Variants in ST18 observed in about 807,000 individuals in gnomAD.
ST18 encodes suppression of tumorigenicity 18 protein.
ST18 carries 50 observed loss-of-function variants against 110.0 expected under a neutral mutation model. The observed-to-expected ratio is 0.45, with a 90% CI of 0.36 to 0.58. The LOEUF is 0.58. ST18 is among the 20% of genes least tolerant of loss of function. ST18 has a pLI of 0.00. For missense variants in ST18, 1,306 were observed against 1,280.1 expected (o/e 1.02, Z -0.31); for synonymous variants, 461 against 452.4 (o/e 1.02, Z -0.24).
At chr8:52,225,510 G>A (rs1393144776) in intron 3 of ST18, among the ~76,000 whole-genome samples, 1 of 152,184 alleles carries the variant, frequency 6.6e-6, no homozygotes, top group Admixed American at 6.5e-5. Flanking sequence ...CCAGCTGATG[G>A]GGCAGATTTG....
At chr8:52,318,935 G>A (rs1314226170) in intron 2 of ST18, among the ~76,000 whole-genome samples, 1 of 151,550 alleles carries the variant, frequency 6.6e-6, no homozygotes, top group Non-Finnish European at 1.5e-5. Context: ...GAGGTTGGGG[G>A]GTGGGAAGAG....
chr8:52,198,700 T>C (rs1250913632), intron 8 of ST18, among the ~76,000 whole-genome samples: 1 of 152,204 alleles, frequency 6.6e-6, no homozygotes, highest in Non-Finnish European at 1.5e-5. Context: ...TGTATATGTA[T>C]ATATATGTAC....
chr8:52,355,635 GATAGGTGTGGTA>G (rs1283170898), intron 2 of ST18, among the ~76,000 whole-genome samples: 1 of 152,200 alleles, frequency 6.6e-6, no homozygotes, highest in East Asian at 1.9e-4. Flanking sequence ...GACAATGAGT[GATAGGTGTGGTA>G]ATAAAAGAAG....
At chr8:52,383,682 C>G (rs750500226) in intron 2 of ST18, among the ~76,000 whole-genome samples, 6 of 152,046 alleles carry the variant, frequency 3.9e-5, no homozygotes, top group Non-Finnish European at 8.8e-5. Context: ...CTCCTGACCT[C>G]GTGATCCACC....
At chr8:52,359,099 A>T (rs534058748) in intron 2 of ST18, among the ~76,000 whole-genome samples, 7 of 149,518 alleles carry the variant, frequency 4.7e-5, no homozygotes, top group African/African-American at 1.8e-4. Context: ...AACTACATTG[A>T]CATGGCATTA....
chr8:52,177,138 G>T (rs1212737627), intron 9 of ST18, among the ~76,000 whole-genome samples: 1 of 152,130 alleles, frequency 6.6e-6, no homozygotes, highest in Admixed American at 6.5e-5. Context: ...CATTCTCCCT[G>T]CCTGTGTCAG....
chr8:52,204,276 G>T (rs528563776), intron 8 of ST18, among the ~76,000 whole-genome samples: 2 of 152,306 alleles, frequency 1.3e-5, no homozygotes, highest in Admixed American at 6.5e-5. Flanking sequence ...TGACTTTTCA[G>T]CCAACCTTCT....
intron 16 of ST18, among the ~76,000 whole-genome samples, chr8:52,146,303 G>A (rs1173620708): frequency 2.0e-5 from 3 of 152,098 alleles, no homozygotes; most frequent in Non-Finnish European, 4.4e-5. Flanking sequence ...CTCCAGTCCT[G>A]TACCCGCAGA....
rs1225270455 is a variant in ST18 at position 52,121,248 on chromosome 8, G to A, written c.2756-2807C>T. 2.6e-5 allele frequency among the ~76,000 whole-genome samples: 4 copies of A among 152,190 alleles called. No homozygotes were observed. The East Asian group carries it at 7.7e-4, about 29-fold the overall frequency. On this transcript the variant is annotated intron_variant, in intron 23 of 25. Transcript: ENST00000689386. ...TAATAACAAAAGATGGCTGGAGCTT[G>A]TGAGGGAAGATCATAAGATGAGATC...
intron 2 of ST18, among the ~76,000 whole-genome samples, chr8:52,322,418 T>C (rs1266716207): frequency 6.6e-6 from 1 of 152,190 alleles, no homozygotes; most frequent in Non-Finnish European, 1.5e-5. Flanking sequence ...ATATGTACAG[T>C]GAATAAAAAT....
intron 2 of ST18, among the ~76,000 whole-genome samples, chr8:52,274,831 G>T (rs546550381): frequency 6.6e-6 from 1 of 152,080 alleles, no homozygotes; most frequent in Non-Finnish European, 1.5e-5. Context: ...AATAATTCTT[G>T]TATTTTTCCC....
chr8:52,218,446 G>A (rs1217413851), intron 5 of ST18, among the ~76,000 whole-genome samples: 6 of 149,714 alleles, frequency 4.0e-5, no homozygotes, highest in Non-Finnish European at 8.9e-5. Flanking sequence ...GCAATGGCAT[G>A]ATCTCGGCTC....
rs557406339 is a variant in ST18, at chr8:52,156,813, C to T, written c.1806+2085G>A. On this transcript the variant is annotated intron_variant, in intron 15 of 25. Transcript: ENST00000689386. ...CTGCACAAAGTGACAATCTAGGGCACGATGTTTCTCCCATTTTAGCAACTA... is the reference window on the plus strand; with the variant it reads ...CTGCACAAAGTGACAATCTAGGGCATGATGTTTCTCCCATTTTAGCAACTA... 2.3e-4 allele frequency among the ~76,000 whole-genome samples: 35 copies of T among 152,264 alleles called. No individual in the cohort carries two copies. In the South Asian group the frequency reaches 5.6e-3, roughly 24 times the overall value.
At position 52,172,444 on chromosome 8, in the gene ST18, A is replaced by G. The variant is rs1300359438; in HGVS notation, c.417T>C (p.Asn139=). The stretch of plus-strand genomic sequence containing the variant: ...TTTCACTTACAGTCTGAACAGATAC[A>G]TTTTTTTCAAATTTCCCCAAGTGCA... The part of the protein sequence containing the change: ...SLMHLGKFEK[N]VSVQTVSENL... The change falls in exon 10 of 26, where the codon AAT becomes AAC. Residue 139 remains asparagine (N), a synonymous_variant. Coordinates refer to ENST00000689386, the MANE Select transcript of ST18 (RefSeq NM_001352837.2). The G allele has an allele frequency of 1.9e-6, 3 of 1,613,688 alleles. No homozygotes were observed. The highest frequency in any genetic ancestry group is 8.5e-7 in the Non-Finnish European group (1 of 1,180,006).
Position 52,166,863 on chromosome 8 carries a change from A to G in ST18, c.1193T>C (p.Val398Ala), listed in dbSNP as rs762951033. ...CAAGTGGTACTCACTTTCCAGGGGA[A>G]CCCGCACTTTGTGGGGGCACCCCGA... Reference protein sequence around the residue: ...SLSGCPHKVRVPLEILAMHEN... With the variant: ...SLSGCPHKVRAPLEILAMHEN... Residue 398 changes from valine (V) to alanine (A), a missense_variant, in exon 11 of 26, where the codon GTT becomes GCT. Transcript: ENST00000689386. 6.3e-7 allele frequency: 1 copy of G among 1,589,066 alleles called. No homozygotes were observed. The highest frequency in any genetic ancestry group is 2.3e-5 in the East Asian group (1 of 44,040).
At chr8:52,370,229 TC>T (rs777502868) in intron 2 of ST18, among the ~76,000 whole-genome samples, 1 of 152,198 alleles carries the variant, frequency 6.6e-6, no homozygotes, top group Non-Finnish European at 1.5e-5. Flanking sequence ...ATAAGGGACT[TC>T]CTGGGACGAC....
chr8:52,348,600 T>G (rs1286140840), intron 2 of ST18, among the ~76,000 whole-genome samples: 1 of 151,976 alleles, frequency 6.6e-6, no homozygotes, highest in Admixed American at 6.6e-5. Flanking sequence ...CAAAATTATC[T>G]AGGCATGGTG....
chr8:52,169,265 T>A (rs1413403267), intron 10 of ST18, among the ~76,000 whole-genome samples: 1 of 152,210 alleles, frequency 6.6e-6, no homozygotes, highest in Non-Finnish European at 1.5e-5. Context: ...CTGTTTTCTT[T>A]GTACAATGTT....
chr8:52,235,040 C>T (rs2092405753), intron 2 of ST18, among the ~76,000 whole-genome samples: 1 of 151,792 alleles, frequency 6.6e-6, no homozygotes, highest in Non-Finnish European at 1.5e-5. Context: ...ATGGGTGCAC[C>T]AAAATCTCAC....
Sources: allele counts gnomAD v4.1 joint callset (sites outside exome capture counted in the v4.1 genomes callset), GRCh38; gene constraint gnomAD v4.1.1; transcripts MANE v1.5; gene names NCBI Gene and HGNC (gene_info 2026-07-23, HGNC 2026-07-21).